The following GUCY1A2 variants were observed in gnomAD, a reference collection of about 807,000 sequenced individuals.
GUCY1A2 encodes guanylate cyclase soluble subunit alpha-2.
A neutral mutation model predicts 63.5 loss-of-function variants in GUCY1A2; 27 were observed. The observed-to-expected ratio is 0.43, with a 90% CI of 0.31 to 0.59. The LOEUF is 0.59. Among genes scored for constraint, GUCY1A2 ranks in the 20% least tolerant of loss-of-function variants. The pLI, the probability that GUCY1A2 is intolerant of heterozygous loss-of-function variation, is 0.11. For missense variants in GUCY1A2, 768 were observed against 913.3 expected (o/e 0.84, Z 2.05); for synonymous variants, 364 against 343.5 (o/e 1.06, Z -0.66).
At chr11:106,775,802 T>C (rs1864347355) in intron 6 of GUCY1A2, among the ~76,000 whole-genome samples, 1 of 149,950 alleles carries the variant, frequency 6.7e-6, no homozygotes. Context: ...TTCAAAGTAA[T>C]GACACTTCTG....
chr11:106,989,431 GGTTT>G (rs770143457), intron 1 of GUCY1A2, among the ~76,000 whole-genome samples: 2 of 151,864 alleles, frequency 1.3e-5, no homozygotes, highest in East Asian at 3.9e-4. Flanking sequence ...AGAATGTGCA[GGTTT>G]GTTACATATG....
chr11:106,856,919 C>A (rs928985661), intron 4 of GUCY1A2, among the ~76,000 whole-genome samples: 5 of 152,204 alleles, frequency 3.3e-5, no homozygotes, highest in African/African-American at 1.2e-4. Context: ...ACAGTTTATA[C>A]TAGTCCCCAT....
chr11:106,831,141 A>G (rs939631675), intron 4 of GUCY1A2, among the ~76,000 whole-genome samples: 1 of 152,204 alleles, frequency 6.6e-6, no homozygotes, highest in Non-Finnish European at 1.5e-5. Context: ...ACTGTCTATA[A>G]ATACATTTCT....
At chr11:106,851,041 G>C (rs1396695560) in intron 4 of GUCY1A2, among the ~76,000 whole-genome samples, 1 of 151,726 alleles carries the variant, frequency 6.6e-6, no homozygotes, top group African/African-American at 2.4e-5. Context: ...ATTCTAACTG[G>C]AGTGACATCT....
At chr11:106,707,479 A>T (rs986145093) in intron 7 of GUCY1A2, among the ~76,000 whole-genome samples, 1 of 152,156 alleles carries the variant, frequency 6.6e-6, no homozygotes, top group Admixed American at 6.6e-5. Context: ...TACCTAAAAC[A>T]TGAAATTAAT....
At chr11:106,867,571 T>C (rs1030045081) in intron 4 of GUCY1A2, among the ~76,000 whole-genome samples, 2 of 152,074 alleles carry the variant, frequency 1.3e-5, no homozygotes, top group African/African-American at 2.4e-5. Flanking sequence ...AAATATCTAA[T>C]CAGCATCTTA....
At chr11:106,784,096 A>G (rs1377684682) in intron 5 of GUCY1A2, among the ~76,000 whole-genome samples, 5 of 151,904 alleles carry the variant, frequency 3.3e-5, no homozygotes, top group Non-Finnish European at 5.9e-5. Flanking sequence ...ATATCACTTC[A>G]TCAACTCTTC....
At chr11:106,766,652 GCTAA>G (rs569842211) in intron 6 of GUCY1A2, among the ~76,000 whole-genome samples, 54 of 152,022 alleles carry the variant, frequency 3.6e-4, no homozygotes, top group African/African-American at 8.2e-4. Context: ...AAACGTAAAA[GCTAA>G]CTAACTAACT....
intron 4 of GUCY1A2, among the ~76,000 whole-genome samples, chr11:106,892,396 C>A (rs1314651565): frequency 6.6e-6 from 1 of 151,994 alleles, no homozygotes; most frequent in Non-Finnish European, 1.5e-5. Flanking sequence ...TATAATTGAA[C>A]TTTTGTAATA....
At position 107,017,797 on chromosome 11, in the gene GUCY1A2, G is replaced by T. The variant is rs1383131017; in HGVS notation, c.259C>A (p.Leu87Met). Reference protein sequence around the residue: ...RRVQRRRRVNLDSLGESISRL... With the variant: ...RRVQRRRRVNMDSLGESISRL... ...CTGATGCTCTCGCCCAGCGAGTCCA[G>T]GTTGACCCGCCTCCGGCGCTGCACC... The change falls in exon 1 of 8, where the codon CTG becomes ATG. Residue 87 changes from leucine (L) to methionine (M), a missense_variant. Physicochemically the swap from Leu to Met is conservative, Grantham distance 15. This residue lies in a region of GUCY1A2 where 496 missense variants were observed against 486.9 expected (regional missense o/e 1.02). Transcript: ENST00000526355. The T allele has an allele frequency of 7.0e-7, 1 of 1,422,510 alleles. No homozygotes were observed. Among genetic ancestry groups the T allele is most frequent in the Non-Finnish European group, 9.2e-7 (1 of 1,087,816 alleles). The allele number at this position is 1,422,510 out of a possible 1,614,324, so 88.1% of individuals were successfully genotyped here. A position where few individuals can be genotyped will look rare whatever the true frequency, so the allele number is the denominator to read the frequency against.
chr11:106,708,512 T>C lies in GUCY1A2; in HGVS notation c.1991A>G (p.Gln664Arg). The part of the protein sequence containing the change: ...RRINVSPTTY[Q>R]LLKREESFTF... ...AAGGAGGAGGCCAGAGAACACTTAC[T>C]GGTAAGTGGTTGGGCTGACATTGAT... is the stretch of plus-strand genomic sequence containing the variant. The change falls in exon 7 of 8, where the codon CAA becomes CGA. Residue 664 changes from glutamine (Q) to arginine (R), a missense_variant and splice_region_variant. By Grantham distance (43) the Gln-to-Arg change is conservative. Coordinates refer to ENST00000526355, the MANE Select transcript of GUCY1A2 (RefSeq NM_000855.3). 1 of 1,610,058 alleles carries C rather than the reference T, an allele frequency of 6.2e-7. No individual in the cohort carries two copies. Among genetic ancestry groups the C allele is most frequent in the South Asian group, 1.1e-5 (1 of 90,836 alleles).
At chr11:106,846,343 G>A (rs1009559174) in intron 4 of GUCY1A2, among the ~76,000 whole-genome samples, 1 of 151,580 alleles carries the variant, frequency 6.6e-6, no homozygotes, top group African/African-American at 2.4e-5. Flanking sequence ...AGTAATCAGT[G>A]AATCTAGATT....
chr11:106,852,421 G>A (rs182902980), intron 4 of GUCY1A2, among the ~76,000 whole-genome samples: 1 of 152,000 alleles, frequency 6.6e-6, no homozygotes, highest in Non-Finnish European at 1.5e-5. Flanking sequence ...AGCTTTTCCC[G>A]ATTCAGTATG....
intron 4 of GUCY1A2, among the ~76,000 whole-genome samples, chr11:106,821,142 C>T (rs770689307): frequency 3.3e-5 from 5 of 152,030 alleles, no homozygotes; most frequent in Non-Finnish European, 2.9e-5. Flanking sequence ...AAAGGAAATA[C>T]GTCTATGCTT....
chr11:106,770,238 T>A (rs951614294), intron 6 of GUCY1A2, among the ~76,000 whole-genome samples: 9 of 152,212 alleles, frequency 5.9e-5, no homozygotes, highest in African/African-American at 1.7e-4. Context: ...AATCTTTAAA[T>A]CCCCTGTAGA....
chr11:106,937,076 AC>A (rs1860689093), intron 4 of GUCY1A2, among the ~76,000 whole-genome samples: 1 of 152,132 alleles, frequency 6.6e-6, no homozygotes. Context: ...GTATGTGACA[AC>A]TTTACTGACC....
intron 4 of GUCY1A2, among the ~76,000 whole-genome samples, chr11:106,822,799 T>C (rs1435595582): frequency 2.0e-5 from 3 of 152,172 alleles, no homozygotes; most frequent in Non-Finnish European, 4.4e-5. Context: ...TCACAGGTTA[T>C]ACAGTAATAC....
intron 4 of GUCY1A2, among the ~76,000 whole-genome samples, chr11:106,842,808 A>G (rs1231122911): frequency 6.6e-6 from 1 of 151,896 alleles, no homozygotes; most frequent in Non-Finnish European, 1.5e-5. Flanking sequence ...GGAGCTTGTG[A>G]TTCTCAAATA....
chr11:106,791,479 G>C (rs376887467), intron 5 of GUCY1A2, among the ~76,000 whole-genome samples: 1 of 1,466 alleles, frequency 6.8e-4, no homozygotes, highest in Admixed American at 0.011. Flanking sequence ...GGAGGTATTT[G>C]TGTGTGTGTG....
Sources: gnomAD v4.1 joint callset for allele counts (sites outside exome capture counted in the v4.1 genomes callset) on GRCh38, gnomAD v4.1.1 for gene constraint, gnomAD v4.1.1 regional missense constraint, MANE v1.5 for transcripts, NCBI Gene and HGNC (gene_info 2026-07-23, HGNC 2026-07-21) for gene names.